TRIB2: variants seen among roughly 807,000 people sequenced by gnomAD.
TRIB2 encodes tribbles pseudokinase 2, also known as tribbles homolog 2.
A neutral mutation model predicts 26.8 loss-of-function variants in TRIB2; 2 were observed. That is an observed-to-expected ratio of 0.07 (90% confidence interval 0.03 to 0.24). The LOEUF (loss-of-function observed/expected upper bound fraction) is 0.24, where lower values mean the gene tolerates loss of function less well. Ranked by LOEUF, TRIB2 falls within the 10% of genes least tolerant of loss-of-function variation. The pLI is 1.00. For missense variants in TRIB2, 306 were observed against 449.0 expected (o/e 0.68, Z 2.88); for synonymous variants, 189 against 187.3 (o/e 1.01, Z -0.08).
chr2:12,738,239 A>C (rs951280909), intron 2 of TRIB2, among the ~76,000 whole-genome samples: 1 of 152,192 alleles, frequency 6.6e-6, no homozygotes, highest in Admixed American at 6.5e-5. Context: ...ACCTTCAGGC[A>C]GACGGAGGAA....
Position 12,718,272 on chromosome 2 carries a change from G to A in TRIB2, c.-36G>A, listed in dbSNP as rs758393679. 7.5e-5 allele frequency: 119 copies of A among 1,578,560 alleles called. No homozygotes were observed. The highest frequency in any genetic ancestry group is 9.7e-5 in the Non-Finnish European group (112 of 1,158,990). ...CGCCAGCGACTCATCTCTCCAGCGG[G>A]TTTTTTTTTGTTTGTCGTGTGCGAT... On this transcript the variant is annotated 5_prime_UTR_variant, in exon 1 of 3. Coordinates refer to ENST00000155926, the MANE Select transcript of TRIB2 (RefSeq NM_021643.4). This position sits in a 1 kb window ranked among gnomAD's most constrained non-coding sequence, Gnocchi z 4.0.
chr2:12,723,648 G>A, intron 2 of TRIB2, 96 bp downstream of exon 2: 2 of 1,430,110 alleles, frequency 1.4e-6, no homozygotes, highest in Non-Finnish European at 1.9e-6. Context: ...TTTGCCGTCT[G>A]TGGTCCAGAT....
chr2:12,719,200 G>T (rs1666669384), intron 1 of TRIB2, among the ~76,000 whole-genome samples: 1 of 151,978 alleles, frequency 6.6e-6, no homozygotes, highest in Non-Finnish European at 1.5e-5. Context: ...GAATGCTTTG[G>T]GTCTTTCTCT....
At chr2:12,721,560 A>C (rs575690603) in intron 1 of TRIB2, among the ~76,000 whole-genome samples, 2 of 152,174 alleles carry the variant, frequency 1.3e-5, no homozygotes, top group Non-Finnish European at 2.9e-5. Context: ...AGCATTTCAG[A>C]TTCCTAATTG....
At chr2:12,721,378 A>C (rs553346545) in intron 1 of TRIB2, among the ~76,000 whole-genome samples, 13 of 152,364 alleles carry the variant, frequency 8.5e-5, no homozygotes, top group African/African-American at 3.1e-4. Context: ...ATAAATAATC[A>C]TAACTCTGTG....
chr2:12,725,936 C>T (rs1661331551), intron 2 of TRIB2, among the ~76,000 whole-genome samples: 2 of 152,332 alleles, frequency 1.3e-5, no homozygotes, highest in South Asian at 4.1e-4. Context: ...GAGAACTCCT[C>T]CATCTGATCA....
Position 12,717,940 on chromosome 2 carries a change from G to A in TRIB2, c.-368G>A. The A allele has an allele frequency of 4.0e-6, 1 of 248,572 alleles. No individual in the cohort carries two copies. The highest frequency in any genetic ancestry group is 7.9e-5 in the East Asian group (1 of 12,696). The allele number at this position is 248,572 out of a possible 1,614,324, so 15.4% of individuals were successfully genotyped here. A position where few individuals can be genotyped will look rare whatever the true frequency, so the allele number is the denominator to read the frequency against. On this transcript the variant is annotated 5_prime_UTR_variant, in exon 1 of 3. Coordinates refer to ENST00000155926, the MANE Select transcript of TRIB2 (RefSeq NM_021643.4). The surrounding 1 kb of genome is among the most constrained non-coding windows in gnomAD (Gnocchi z 4.8). ...CGGAAGCCGGCCTGGGGGTCGCGTC[G>A]GGAGCCCTGGCGCTGCAGCTCCGCA...
intron 2 of TRIB2, among the ~76,000 whole-genome samples, chr2:12,739,962 C>T (rs1661677800): frequency 6.6e-6 from 1 of 152,118 alleles, no homozygotes; most frequent in Non-Finnish European, 1.5e-5. Flanking sequence ...CTGTGGTGCC[C>T]TATCATTATG....
At chr2:12,719,813 C>T (rs985322200) in intron 1 of TRIB2, among the ~76,000 whole-genome samples, 1 of 152,108 alleles carries the variant, frequency 6.6e-6, no homozygotes, top group African/African-American at 2.4e-5. Context: ...AGGGGGAAAT[C>T]GGAGACTCTT....
rs1661681797 is a variant in TRIB2 at position 12,740,171 on chromosome 2, C to T, written c.564-155C>T. On this transcript the variant is annotated intron_variant, in intron 2 of 2. Coordinates refer to ENST00000155926, the MANE Select transcript of TRIB2 (RefSeq NM_021643.4). This position sits in a 1 kb window ranked among gnomAD's most constrained non-coding sequence, Gnocchi z 5.8. ...AATAGTAGCTGGCAGCTAGAAGGTG[C>T]TCAGTGAGTAATGTTTGGCTGGTCA... 6.6e-6 allele frequency among the ~76,000 whole-genome samples: 1 copy of T among 152,168 alleles called. No individual in the cohort carries two copies. Among genetic ancestry groups the T allele is most frequent in the Non-Finnish European group, 1.5e-5 (1 of 68,024 alleles).
intron 2 of TRIB2, among the ~76,000 whole-genome samples, chr2:12,737,763 C>G (rs941862923): frequency 7.9e-5 from 12 of 152,188 alleles, no homozygotes; most frequent in African/African-American, 2.9e-4. Flanking sequence ...CAGATGTTTG[C>G]ATGACAGTGT....
At chr2:12,724,089 G>A (rs1381114630) in intron 2 of TRIB2, among the ~76,000 whole-genome samples, 1 of 152,212 alleles carries the variant, frequency 6.6e-6, no homozygotes, top group East Asian at 1.9e-4. Context: ...GGTGGGATGA[G>A]AACTGGGGTG....
In TRIB2 at chr2:12,741,148, A is replaced by C. The variant is rs1661702287; in HGVS notation, c.*354A>C. ...AATCAAAACTCTCTGCCTCAAACACACATCCTGGCATCGCACTGTTAGCAT... is the reference window on the plus strand; with the variant it reads ...AATCAAAACTCTCTGCCTCAAACACCCATCCTGGCATCGCACTGTTAGCAT... On this transcript the variant is annotated 3_prime_UTR_variant, in exon 3 of 3. Coordinates refer to ENST00000155926, the MANE Select transcript of TRIB2 (RefSeq NM_021643.4). The C allele has an allele frequency of 4.7e-6, 1 of 214,898 alleles. No homozygotes were observed. The highest frequency in any genetic ancestry group is 9.9e-5 in the South Asian group (1 of 10,148). The allele number at this position is 214,898 out of a possible 1,614,324, so 13.3% of individuals were successfully genotyped here.
chr2:12,717,381 G>A lies in TRIB2; in HGVS notation c.-927G>A, dbSNP rs951903094. On this transcript the variant is annotated 5_prime_UTR_variant, in exon 1 of 3. Transcript: ENST00000155926. The surrounding 1 kb of genome is among the most constrained non-coding windows in gnomAD (Gnocchi z 4.8). ...CGTGCCGGCGAAATCGGAGACCGCC[G>A]ATCTGTCCTCGTTCTCTCCTGCACG... 7.5e-6 allele frequency: 3 copies of A among 398,388 alleles called. No homozygotes were observed. The highest frequency in any genetic ancestry group is 1.3e-5 in the Non-Finnish European group (3 of 226,030). 24.7% of individuals were successfully genotyped at this position (398,388 alleles called of 1,614,324 possible). A position where few individuals can be genotyped will look rare whatever the true frequency, so the allele number is the denominator to read the frequency against.
At position 12,717,128 on chromosome 2, in the gene TRIB2, C is replaced by CT. The variant is rs1666608379; in HGVS notation, c.-1179dup. 1 of 367,362 alleles carries CT rather than the reference C, an allele frequency of 2.7e-6. No homozygotes were observed. 22.8% of individuals were successfully genotyped at this position (367,362 alleles called of 1,614,324 possible). A position where few individuals can be genotyped will look rare whatever the true frequency, so the allele number is the denominator to read the frequency against. On this transcript the variant is annotated 5_prime_UTR_variant, in exon 1 of 3. Coordinates refer to ENST00000155926, the MANE Select transcript of TRIB2 (RefSeq NM_021643.4). This position sits in a 1 kb window ranked among gnomAD's most constrained non-coding sequence, Gnocchi z 4.8. ...TTAAATACACGGTCCCCTCTTTTCTCTGGGGGGGGCAAGCAAGAAATCAAA... is the reference window on the plus strand; with the variant it reads ...TTAAATACACGGTCCCCTCTTTTCTCTTGGGGGGGGCAAGCAAGAAATCAAA...
intron 2 of TRIB2, among the ~76,000 whole-genome samples, chr2:12,736,821 G>A (rs1309947357): frequency 1.3e-5 from 2 of 152,230 alleles, no homozygotes. Flanking sequence ...ATGATACATA[G>A]TAAATCATGA....
chr2:12,724,623 G>A lies in TRIB2; in HGVS notation c.563+1071G>A, dbSNP rs552333383. ...GAACCACATTTACCTTTTCTCTTCC[G>A]CTCAGATGCCTCTGCCCCTGGAGCC... On this transcript the variant is annotated intron_variant, in intron 2 of 2. Coordinates refer to ENST00000155926, the MANE Select transcript of TRIB2 (RefSeq NM_021643.4). 2.0e-5 allele frequency: 32 copies of A among 1,611,012 alleles called. 1 individual carries two copies. The South Asian group carries it at 2.9e-4, about 14-fold the overall frequency.
At chr2:12,722,670 T>C (rs1438229062) in intron 1 of TRIB2, among the ~76,000 whole-genome samples, 2 of 152,114 alleles carry the variant, frequency 1.3e-5, no homozygotes, top group Non-Finnish European at 2.9e-5. Context: ...ATCATATTCC[T>C]ACCTCTGCCA....
At chr2:12,731,478 C>T (rs868555698) in intron 2 of TRIB2, among the ~76,000 whole-genome samples, 1 of 152,074 alleles carries the variant, frequency 6.6e-6, no homozygotes, top group Non-Finnish European at 1.5e-5. Context: ...GTAAAGCAGC[C>T]GGGCATGGGT....
Sources: allele counts gnomAD v4.1 joint callset (sites outside exome capture counted in the v4.1 genomes callset), GRCh38; gene constraint gnomAD v4.1.1; non-coding constraint Gnocchi (gnomAD v3.1); transcripts MANE v1.5; gene names NCBI Gene and HGNC (gene_info 2026-07-23, HGNC 2026-07-21).